The following BCAR3 variants were observed in gnomAD, a reference collection of about 807,000 sequenced individuals.
BCAR3 encodes the protein BCAR3 adaptor protein, NSP family member, also known as breast cancer anti-estrogen resistance protein 3.
BCAR3 carries 37 observed loss-of-function variants against 80.1 expected under a neutral mutation model. The ratio of observed to expected loss-of-function variants is 0.46; its 90% CI spans 0.36 to 0.61. The LOEUF (loss-of-function observed/expected upper bound fraction) is 0.61, where lower values mean the gene tolerates loss of function less well. Ranked by LOEUF, BCAR3 falls within the 20% of genes least tolerant of loss-of-function variation. The probability of loss-of-function intolerance (pLI) is 0.00; values close to 1 mark genes in which losing one functional copy is unlikely to be tolerated. For missense variants in BCAR3, 978 were observed against 1,068.2 expected (o/e 0.92, Z 1.18); for synonymous variants, 389 against 418.9 (o/e 0.93, Z 0.87).
intron 9 of BCAR3, among the ~76,000 whole-genome samples, chr1:93,569,057 A>G (rs1673096199): frequency 6.6e-6 from 1 of 152,348 alleles, no homozygotes; most frequent in South Asian, 2.1e-4. Flanking sequence ...CAGCAGCAGC[A>G]TACACCACTG....
intron 7 of BCAR3, among the ~76,000 whole-genome samples, chr1:93,578,876 A>ATAT (rs1182631757): frequency 6.6e-6 from 1 of 152,110 alleles, no homozygotes; most frequent in African/African-American, 2.4e-5. Flanking sequence ...GGCTTTTAAT[A>ATAT]TATTATTATC....
chr1:93,778,523 C>T (rs899586817), intron 2 of BCAR3, among the ~76,000 whole-genome samples: 1 of 148,400 alleles, frequency 6.7e-6, no homozygotes, highest in East Asian at 2.0e-4. Context: ...TCATGGAGTC[C>T]TTTTTTTTTT....
In BCAR3 at chr1:93,712,630, C is replaced by CT. The variant is rs763366961; in HGVS notation, c.-62-6489dup. Among the ~76,000 whole-genome samples the CT allele has an allele frequency of 2.2e-4, 33 of 152,308 alleles. 3 individuals are homozygous for CT. Among genetic ancestry groups the CT allele is most frequent in the East Asian group, 9.6e-4 (5 of 5,190 alleles). On this transcript the variant is annotated intron_variant, in intron 2 of 13. Transcript: ENST00000370244. ...TTTCTTTTTTCTTACCCCTCCCTGC[C>CT]TTATTATTTTTGACCTTTTCCATAT...
At chr1:93,640,346 T>A (rs1279105859) in intron 3 of BCAR3, among the ~76,000 whole-genome samples, 1 of 151,692 alleles carries the variant, frequency 6.6e-6, no homozygotes, top group African/African-American at 2.4e-5. Flanking sequence ...TAGAGGCAAA[T>A]GAAAATACAT....
chr1:93,806,628 A>C (rs1653662686), intron 2 of BCAR3, among the ~76,000 whole-genome samples: 1 of 152,180 alleles, frequency 6.6e-6, no homozygotes, highest in Non-Finnish European at 1.5e-5. Flanking sequence ...TATGATAAAG[A>C]AACTTCTAGA....
At chr1:93,759,865 T>G (rs1321836406) in intron 2 of BCAR3, among the ~76,000 whole-genome samples, 1 of 152,146 alleles carries the variant, frequency 6.6e-6, no homozygotes, top group African/African-American at 2.4e-5. Flanking sequence ...ATGGTCCACG[T>G]GGACCATCAG....
intron 2 of BCAR3, among the ~76,000 whole-genome samples, chr1:93,785,748 T>C (rs1399641060): frequency 6.6e-6 from 1 of 152,174 alleles, no homozygotes; most frequent in African/African-American, 2.4e-5. Context: ...ACATTTCCCA[T>C]CCACATGCTA....
At chr1:93,775,770 T>G (rs1156372307) in intron 2 of BCAR3, among the ~76,000 whole-genome samples, 1 of 152,326 alleles carries the variant, frequency 6.6e-6, no homozygotes, top group Non-Finnish European at 1.5e-5. Flanking sequence ...GTTGCAAACA[T>G]ACTTAGGCTT....
At chr1:93,819,283 C>G (rs978090956) in intron 2 of BCAR3, among the ~76,000 whole-genome samples, 4 of 152,210 alleles carry the variant, frequency 2.6e-5, no homozygotes, top group African/African-American at 9.6e-5. Context: ...CCAGGATGGT[C>G]TCAATCTCCT....
chr1:93,706,947 C>T (rs1387307630), intron 2 of BCAR3, among the ~76,000 whole-genome samples: 3 of 152,178 alleles, frequency 2.0e-5, no homozygotes, highest in African/African-American at 2.4e-5. Flanking sequence ...GATGCAGAGG[C>T]GGGTGGATCA....
At chr1:93,673,672 C>G (rs923318534) in intron 2 of BCAR3, among the ~76,000 whole-genome samples, 4 of 152,192 alleles carry the variant, frequency 2.6e-5, no homozygotes, top group Non-Finnish European at 5.9e-5. Flanking sequence ...ATTACAAACC[C>G]AGAGAAAAAG....
At chr1:93,830,926 TGCTACCCTTCAATCTCCCTTTCTC>T (rs541183250) in intron 2 of BCAR3, among the ~76,000 whole-genome samples, 372 of 152,282 alleles carry the variant, frequency 2.4e-3, no homozygotes, top group African/African-American at 8.7e-3. Context: ...CAGCCTCTCT[TGCTACCCTTCAATCTCCCTTTCTC>T]GCTACCCTTC....
At chr1:93,749,413 C>T (rs1439423057) in intron 2 of BCAR3, among the ~76,000 whole-genome samples, 4 of 151,592 alleles carry the variant, frequency 2.6e-5, no homozygotes, top group Non-Finnish European at 5.9e-5. Flanking sequence ...ATGGTGAAAC[C>T]CCGTCTCTAC....
At chr1:93,798,755 A>G (rs984713408) in intron 2 of BCAR3, among the ~76,000 whole-genome samples, 5 of 152,182 alleles carry the variant, frequency 3.3e-5, no homozygotes, top group African/African-American at 1.2e-4. Flanking sequence ...TATCCTTTAG[A>G]TATGATCCAT....
chr1:93,646,328 C>T (rs982982982), intron 2 of BCAR3: 6 of 152,150 alleles, frequency 3.9e-5, no homozygotes, highest in Admixed American at 6.5e-5. Context: ...GTAGGCTGGT[C>T]ACGGTGACTC....
At chr1:93,696,585 T>C (rs1649415863) in intron 3 of BCAR3, among the ~76,000 whole-genome samples, 1 of 152,124 alleles carries the variant, frequency 6.6e-6, no homozygotes, top group African/African-American at 2.4e-5. Context: ...CCCTTCTCCA[T>C]TCTGTCTTCC....
At chr1:93,683,353 C>A (rs1648867509), upstream of BCAR3, among the ~76,000 whole-genome samples, 1 of 152,158 alleles carries the variant, frequency 6.6e-6, no homozygotes, top group Non-Finnish European at 1.5e-5. Flanking sequence ...TACTGCTCGT[C>A]AAAATGAACT....
rs780954934 is a variant in BCAR3 at position 93,584,107 on chromosome 1, CTCTTT to C, written c.939_943del (p.Lys314TrpfsTer2). 3.1e-6 allele frequency: 5 copies of C among 1,614,012 alleles called. No homozygotes were observed. The Admixed American group carries it at 8.3e-5, about 27-fold the overall frequency. ...ATCCAGGCAGGCGGGCTGGCTACCA[CTCTTT>C]TCTTTGTTTCTGAAGTAAAAGACAC... On this transcript the variant is annotated frameshift_variant, in exon 6 of 12. Coordinates refer to ENST00000260502, the MANE Select transcript of BCAR3 (RefSeq NM_003567.4). LOFTEE classifies it high-confidence loss of function.
chr1:93,607,288 T>C (rs1239120517), intron 3 of BCAR3, among the ~76,000 whole-genome samples: 2 of 152,050 alleles, frequency 1.3e-5, no homozygotes, highest in Non-Finnish European at 2.9e-5. Context: ...TGGAGGAAGA[T>C]GGGGACCAGG....
Sources: gnomAD v4.1 joint callset for allele counts (sites outside exome capture counted in the v4.1 genomes callset) on GRCh38, gnomAD v4.1.1 for gene constraint, MANE v1.5 for transcripts, NCBI Gene and HGNC (gene_info 2026-07-23, HGNC 2026-07-21) for gene names.